The following THSD4 variants were observed in gnomAD, a reference collection of about 807,000 sequenced individuals.
THSD4 encodes thrombospondin type-1 domain-containing protein 4.
Under a neutral mutation model 119.0 loss-of-function variants are expected in THSD4, and 69 were observed. The observed-to-expected ratio is 0.58, with a 90% CI of 0.48 to 0.71. The LOEUF (loss-of-function observed/expected upper bound fraction) is 0.71. THSD4 is among the 30% of genes least tolerant of loss of function. The pLI is 0.00. For missense variants in THSD4, 1,393 were observed against 1,391.1 expected (o/e 1.00, Z -0.02); for synonymous variants, 524 against 540.4 (o/e 0.97, Z 0.42).
intron 1 of THSD4, among the ~76,000 whole-genome samples, chr15:71,129,763 C>T (rs1162718138): frequency 6.6e-6 from 1 of 152,082 alleles, no homozygotes; most frequent in Non-Finnish European, 1.5e-5. Flanking sequence ...TTTTGGCATA[C>T]GTTGCACAGT....
At chr15:71,700,480 TA>T (rs1368033301) in intron 8 of THSD4, among the ~76,000 whole-genome samples, 4 of 152,144 alleles carry the variant, frequency 2.6e-5, no homozygotes, top group African/African-American at 9.6e-5. Context: ...AACTCCTTAC[TA>T]AAAAGCCATC....
Position 71,321,977 on chromosome 15 carries a change from T to C in THSD4, c.1015+65262T>C, listed in dbSNP as rs192005081. On this transcript the variant is annotated intron_variant, in intron 6 of 17. Transcript: ENST00000261862. ...AAATATTAACAACAATCAAAGACCA[T>C]TAGAACTAAAGGGAAAATGTAGAAC... Among the ~76,000 whole-genome samples, 821 of 151,006 alleles carry C rather than the reference T, an allele frequency of 5.4e-3. 3 individuals are homozygous for C. Among genetic ancestry groups the C allele is most frequent in the Non-Finnish European group, 9.1e-3 (614 of 67,790 alleles).
At chr15:71,629,519 A>C (rs1362017119) in intron 7 of THSD4, among the ~76,000 whole-genome samples, 3 of 152,086 alleles carry the variant, frequency 2.0e-5, no homozygotes, top group Non-Finnish European at 4.4e-5. Context: ...CGCCCTAACT[A>C]TCCCAGCTAA....
chr15:71,441,137 A>G (rs1409872717), intron 7 of THSD4, among the ~76,000 whole-genome samples: 1 of 152,202 alleles, frequency 6.6e-6, no homozygotes, highest in Non-Finnish European at 1.5e-5. Flanking sequence ...TTCATGTATA[A>G]TGATCTGGGT....
At chr15:71,376,549 C>T (rs1376696480) in intron 6 of THSD4, among the ~76,000 whole-genome samples, 1 of 152,150 alleles carries the variant, frequency 6.6e-6, no homozygotes. Flanking sequence ...TGGATCTCCC[C>T]TGGGACACAC....
Position 71,532,283 on chromosome 15 carries a change from A to AGTGTGTGTGT in THSD4, c.1152+120500_1152+120509dup, listed in dbSNP as rs1210856261. ...AAGGGTGAGAGAGAGAGAGAGAGAG[A>AGTGTGTGTGT]GTGTGTGTGTGTGTGTGTGTGTGTG... On this transcript the variant is annotated intron_variant, in intron 7 of 17. Transcript: ENST00000261862. Among the ~76,000 whole-genome samples the AGTGTGTGTGT allele has an allele frequency of 6.2e-4, 63 of 101,636 alleles. 1 individual carries two copies. The highest frequency in any genetic ancestry group is 2.4e-3 in the South Asian group (6 of 2,464). 66.7% of individuals were successfully genotyped at this position (101,636 alleles called of 152,430 possible). A position where few individuals can be genotyped will look rare whatever the true frequency, so the allele number is the denominator to read the frequency against.
intron 7 of THSD4, among the ~76,000 whole-genome samples, chr15:71,485,685 GA>G (rs535593331): frequency 1.7e-4 from 23 of 137,296 alleles, no homozygotes; most frequent in South Asian, 2.3e-4. Flanking sequence ...CAGCTCTTAA[GA>G]AAAAAAAAAA....
intron 7 of THSD4, among the ~76,000 whole-genome samples, chr15:71,490,934 C>T (rs183802969): frequency 6.6e-6 from 1 of 152,298 alleles, no homozygotes; most frequent in African/African-American, 2.4e-5. Flanking sequence ...GCCTGCCAAG[C>T]CTGAAATATA....
intron 4 of THSD4, among the ~76,000 whole-genome samples, chr15:71,224,951 G>A (rs181826165): frequency 6.6e-6 from 1 of 152,258 alleles, no homozygotes; most frequent in Admixed American, 6.5e-5. Flanking sequence ...CACAGGTTCT[G>A]GGGGTTAGGA....
At chr15:71,718,862 T>C (rs1307108851) in intron 8 of THSD4, among the ~76,000 whole-genome samples, 1 of 152,170 alleles carries the variant, frequency 6.6e-6, no homozygotes, top group East Asian at 1.9e-4. Context: ...CTCGTGGAAA[T>C]TTTACCAGCC....
intron 8 of THSD4, among the ~76,000 whole-genome samples, chr15:71,721,844 G>A (rs935886142): frequency 6.6e-6 from 1 of 151,776 alleles, no homozygotes; most frequent in African/African-American, 2.4e-5. Context: ...AGGCATGATG[G>A]CTCACACCTG....
At chr15:71,291,576 T>A (rs903928738) in intron 6 of THSD4, among the ~76,000 whole-genome samples, 29 of 152,186 alleles carry the variant, frequency 1.9e-4, no homozygotes, top group Non-Finnish European at 3.2e-4. Flanking sequence ...ATTCTGGCCT[T>A]AAGCTGATTG....
chr15:71,114,050 G>C (rs917152410), upstream of THSD4, among the ~76,000 whole-genome samples: 2 of 151,980 alleles, frequency 1.3e-5, no homozygotes, highest in African/African-American at 4.8e-5. Flanking sequence ...TTTACACCAG[G>C]TGCCTCCCAT....
At chr15:71,337,538 T>C (rs529439302) in intron 6 of THSD4, among the ~76,000 whole-genome samples, 1 of 152,214 alleles carries the variant, frequency 6.6e-6, no homozygotes, top group Admixed American at 6.5e-5. Flanking sequence ...GATAAACAGG[T>C]CTGGCCTGAT....
At chr15:71,485,903 G>A (rs549045075) in intron 7 of THSD4, among the ~76,000 whole-genome samples, 10 of 152,252 alleles carry the variant, frequency 6.6e-5, no homozygotes, top group Non-Finnish European at 1.0e-4. Context: ...TAATTAGAAC[G>A]TCAAATACCA....
chr15:71,271,711 G>C (rs2044532555), intron 6 of THSD4, among the ~76,000 whole-genome samples: 1 of 151,758 alleles, frequency 6.6e-6, no homozygotes, highest in African/African-American at 2.4e-5. Flanking sequence ...CTCTCACTCT[G>C]TCTCTCCAAT....
At chr15:71,487,808 T>A (rs1247099589) in intron 7 of THSD4, among the ~76,000 whole-genome samples, 2 of 152,160 alleles carry the variant, frequency 1.3e-5, no homozygotes, top group East Asian at 3.8e-4. Flanking sequence ...TTCCAATATA[T>A]CTTGAATCTG....
At chr15:71,281,397 C>T (rs1425689593) in intron 6 of THSD4, among the ~76,000 whole-genome samples, 1 of 152,164 alleles carries the variant, frequency 6.6e-6, no homozygotes, top group East Asian at 1.9e-4. Flanking sequence ...ATATGGCTCT[C>T]CATAGAAATG....
chr15:71,481,197 T>C (rs1413750526), intron 7 of THSD4, among the ~76,000 whole-genome samples: 1 of 152,180 alleles, frequency 6.6e-6, no homozygotes, highest in African/African-American at 2.4e-5. Flanking sequence ...ACATTTAGAC[T>C]CTGTGATAAA....
Sources: allele counts gnomAD v4.1 joint callset (sites outside exome capture counted in the v4.1 genomes callset), GRCh38; gene constraint gnomAD v4.1.1; transcripts MANE v1.5; gene names NCBI Gene and HGNC (gene_info 2026-07-23, HGNC 2026-07-21).